CDKN3: variants seen among roughly 807,000 people sequenced by gnomAD.
CDKN3 encodes cyclin dependent kinase inhibitor 3.
In CDKN3, 19 loss-of-function variants were observed where a neutral mutation model predicts 36.1. The observed-to-expected ratio is 0.53, with a 90% CI of 0.37 to 0.77. The LOEUF is 0.77. Ranked by LOEUF, CDKN3 falls within the 30% of genes least tolerant of loss-of-function variation. CDKN3 has a pLI of 0.00. For synonymous variants in CDKN3, 71 were observed against 85.3 expected (o/e 0.83, Z 0.92); for missense variants, 188 against 248.6 (o/e 0.76, Z 1.64).
intron 4 of CDKN3, 28 bp from the exon 5 acceptor site, chr14:54,411,456 G>A: frequency 6.5e-7 from 1 of 1,530,926 alleles, no homozygotes; most frequent in Non-Finnish European, 9.0e-7. Context: ...CTATGTGTGT[G>A]TGTCTGTGTA....
At position 54,408,647 on chromosome 14, in the gene CDKN3, G is replaced by A. The variant is rs143738248; in HGVS notation, c.149-98G>A. ...ATAATTGAAACATATAAATGATTAC[G>A]TGAAATGACTTTATAAAGTAGCTAT... On this transcript the variant is annotated intron_variant, in intron 3 of 7. Transcript: ENST00000335183. 5.1e-4 allele frequency: 625 copies of A among 1,229,094 alleles called. 3 individuals are homozygous for A. Among genetic ancestry groups the A allele is most frequent in the African/African-American group, 1.7e-3 (106 of 62,912 alleles). The allele number at this position is 1,229,094 out of a possible 1,614,324, so 76.1% of individuals were successfully genotyped here.
chr14:54,417,147 A>T (rs1293919799), intron 6 of CDKN3, among the ~76,000 whole-genome samples: 4 of 152,262 alleles, frequency 2.6e-5, no homozygotes, highest in Non-Finnish European at 5.9e-5. Flanking sequence ...GTAAACATTA[A>T]CATATGACCC....
chr14:54,406,141 T>C (rs975263928), intron 3 of CDKN3, among the ~76,000 whole-genome samples: 12 of 152,352 alleles, frequency 7.9e-5, no homozygotes, highest in Admixed American at 5.9e-4. Context: ...AAAATTATTT[T>C]CTTTAAGAAT....
At chr14:54,407,070 T>G (rs1164547819) in intron 3 of CDKN3, among the ~76,000 whole-genome samples, 1 of 152,206 alleles carries the variant, frequency 6.6e-6, no homozygotes, top group East Asian at 1.9e-4. Context: ...TTGCTTTCTG[T>G]TTGTTAGTTT....
intron 5 of CDKN3, chr14:54,413,617 G>A (rs2030433695): frequency 2.6e-6 from 4 of 1,534,730 alleles, no homozygotes; most frequent in Admixed American, 3.9e-5. Context: ...GCTTTCGAAG[G>A]TGTCCTACGG....
chr14:54,403,837 A>T (rs1451625274), intron 3 of CDKN3, among the ~76,000 whole-genome samples: 3 of 152,216 alleles, frequency 2.0e-5, no homozygotes, highest in Admixed American at 2.0e-4. Context: ...GATGGATTAT[A>T]TTTAATGATT....
At chr14:54,401,445 C>T in intron 2 of CDKN3, 79 bp from the exon 3 acceptor site, 2 of 871,634 alleles carry the variant, frequency 2.3e-6, no homozygotes, top group Non-Finnish European at 3.8e-6. Context: ...GTGGCAAGCA[C>T]CCATATTGAT....
chr14:54,405,104 C>T (rs1318734078), intron 3 of CDKN3, among the ~76,000 whole-genome samples: 1 of 151,922 alleles, frequency 6.6e-6, no homozygotes, highest in Non-Finnish European at 1.5e-5. Flanking sequence ...TTAATTTACC[C>T]AGTAGTCAGG....
At chr14:54,401,785 C>G (rs143913001) in intron 3 of CDKN3, among the ~76,000 whole-genome samples, 1 of 152,258 alleles carries the variant, frequency 6.6e-6, no homozygotes, top group East Asian at 1.9e-4. Context: ...CCCCTTCCAC[C>G]TGTTCCCCAC....
chr14:54,419,617 G>A (rs2030661830), intron 7 of CDKN3, among the ~76,000 whole-genome samples: 1 of 152,158 alleles, frequency 6.6e-6, no homozygotes, highest in Admixed American at 6.5e-5. Flanking sequence ...AAATATACCA[G>A]TTACTTGCTA....
intron 4 of CDKN3, among the ~76,000 whole-genome samples, chr14:54,409,097 TC>T (rs2030264778): frequency 6.6e-6 from 1 of 152,028 alleles, no homozygotes; most frequent in South Asian, 2.1e-4. Context: ...GACATATTGC[TC>T]CCCCCAGGTC....
At chr14:54,415,437 G>T (rs2030506265) in intron 5 of CDKN3, among the ~76,000 whole-genome samples, 1 of 152,208 alleles carries the variant, frequency 6.6e-6, no homozygotes, top group South Asian at 2.1e-4. Context: ...CAGGACTGAA[G>T]CCCAGGCAGT....
At chr14:54,403,478 T>C (rs961056224) in intron 3 of CDKN3, among the ~76,000 whole-genome samples, 4 of 152,246 alleles carry the variant, frequency 2.6e-5, no homozygotes, top group Non-Finnish European at 5.9e-5. Flanking sequence ...AATCATGTCA[T>C]CTGTAAAAAG....
intron 3 of CDKN3, among the ~76,000 whole-genome samples, chr14:54,405,006 G>C (rs2030108257): frequency 6.6e-6 from 1 of 152,150 alleles, no homozygotes; most frequent in African/African-American, 2.4e-5. Context: ...TGGGCATTTA[G>C]TGCTATAAAT....
intron 1 of CDKN3, among the ~76,000 whole-genome samples, 162 bp from the exon 2 acceptor site, chr14:54,399,732 T>C (rs2139964763): frequency 6.6e-6 from 1 of 152,304 alleles, no homozygotes; most frequent in Middle Eastern, 3.4e-3. Flanking sequence ...GGAAGGTAAA[T>C]AGCAGTCATT....
chr14:54,413,807 C>T (rs1298909482), intron 5 of CDKN3: 4 of 1,421,656 alleles, frequency 2.8e-6, no homozygotes, highest in East Asian at 2.6e-5. Context: ...TAGTGAACAA[C>T]ACTGCTTGCC....
chr14:54,419,436 T>G (rs1023973133), intron 7 of CDKN3, among the ~76,000 whole-genome samples: 1 of 152,236 alleles, frequency 6.6e-6, no homozygotes, highest in African/African-American at 2.4e-5. Flanking sequence ...TTTGGGAGGC[T>G]ATTAAAACTC....
chr14:54,406,379 T>C (rs1056615346), intron 3 of CDKN3, among the ~76,000 whole-genome samples: 3 of 152,168 alleles, frequency 2.0e-5, no homozygotes, highest in African/African-American at 7.2e-5. Context: ...AATTTGAATG[T>C]TGGCCTGTCT....
chr14:54,413,497 T>G, intron 5 of CDKN3: 1 of 781,854 alleles, frequency 1.3e-6, no homozygotes, highest in Admixed American at 2.2e-5. Flanking sequence ...CTGATGTTTG[T>G]GCAGAGTACA....
Sources: gnomAD v4.1 joint callset for allele counts (sites outside exome capture counted in the v4.1 genomes callset) on GRCh38, gnomAD v4.1.1 for gene constraint, MANE v1.5 for transcripts, NCBI Gene and HGNC (gene_info 2026-07-23, HGNC 2026-07-21) for gene names.